Variants in ZNF592 observed in about 807,000 individuals in gnomAD.
ZNF592 encodes the protein spinocerebellar ataxia, autosomal recessive 5.
ZNF592 carries 11 observed loss-of-function variants against 80.3 expected under a neutral mutation model. The ratio of observed to expected loss-of-function variants is 0.14; its 90% CI spans 0.09 to 0.23. ZNF592 has a LOEUF of 0.23. Among genes scored for constraint, ZNF592 ranks in the 10% least tolerant of loss-of-function variants. The pLI, the probability that ZNF592 is intolerant of heterozygous loss-of-function variation, is 1.00. For synonymous variants in ZNF592, 646 were observed against 640.3 expected, an observed-to-expected ratio of 1.01 and a Z score of -0.13; for missense variants, 1,420 against 1,633.9, an observed-to-expected ratio of 0.87 and a Z score of 2.26.
rs1423470334 is a variant in ZNF592 at position 84,803,152 on chromosome 15, T to A, written c.*759T>A. 5.9e-5 allele frequency: 9 copies of A among 152,474 alleles called. No individual in the cohort carries two copies. Among genetic ancestry groups the A allele is most frequent in the Admixed American group, 4.6e-4 (7 of 15,262 alleles). 9.4% of individuals were successfully genotyped at this position (152,474 alleles called of 1,614,324 possible). On this transcript the variant is annotated 3_prime_UTR_variant, in exon 11 of 11. Coordinates refer to ENST00000560079, the MANE Select transcript of ZNF592 (RefSeq NM_014630.3). The stretch of plus-strand genomic sequence containing the variant: ...CTGCTGTTCTGCCTTTCCTGACAGG[T>A]GGGGTTGGGGCACACAGACATTGGA...
chr15:84,761,739 C>G (rs934540293), intron 1 of ZNF592, among the ~76,000 whole-genome samples: 1 of 152,182 alleles, frequency 6.6e-6, no homozygotes, highest in Non-Finnish European at 1.5e-5. Flanking sequence ...CTCTTCCTGT[C>G]TGAGTACAGC....
intron 2 of ZNF592, among the ~76,000 whole-genome samples, chr15:84,765,447 T>C (rs1042579333): frequency 1.3e-5 from 2 of 152,128 alleles, no homozygotes; most frequent in African/African-American, 2.4e-5. Flanking sequence ...CCAACTGCTT[T>C]CTATAGCAGC....
chr15:84,784,671 C>G lies in ZNF592; in HGVS notation c.1996C>G (p.Pro666Ala), dbSNP rs1962537209. 1.2e-6 allele frequency: 2 copies of G among 1,614,128 alleles called. No homozygotes were observed. Among genetic ancestry groups the G allele is most frequent in the Non-Finnish European group, 1.7e-6 (2 of 1,180,022 alleles). ...TGCGGACCAAATGTTCGTGTCGGCC[C>G]CTGTGAACTCCACGGCACCAGCAGC... ...ISADQMFVSA[P>A]VNSTAPAAPA... is the part of the protein sequence containing the mutation. The change falls in exon 4 of 11, where the codon CCT becomes GCT. Residue 666 changes from proline to alanine, a missense_variant. Around this residue, in one of 7 missense-constraint regions of ZNF592, gnomAD observed 524 missense variants for 628.3 expected, o/e 0.83. Transcript: ENST00000560079. The surrounding 1 kb of genome is among the most constrained non-coding windows in gnomAD (Gnocchi z 5.8).
In ZNF592 at chr15:84,777,694, C is replaced by CTTTT. The variant is rs397854471; in HGVS notation, c.-149-469_-149-466dup. 7.1e-4 allele frequency among the ~76,000 whole-genome samples: 70 copies of CTTTT among 98,406 alleles called. 1 individual carries two copies. Among genetic ancestry groups the CTTTT allele is most frequent in the African/African-American group, 1.1e-3 (28 of 26,434 alleles). The allele number at this position is 98,406 out of a possible 152,430, so 64.6% of individuals were successfully genotyped here. The stretch of plus-strand genomic sequence containing the variant: ...GAAAATAATTTCGTCTGTTGAGATA[C>CTTTT]TTTTTTTTTTTTTTTTTTTTTTTGA... On this transcript the variant is annotated intron_variant, in intron 2 of 10. Coordinates refer to ENST00000560079, the MANE Select transcript of ZNF592 (RefSeq NM_014630.3).
At chr15:84,773,336 C>T (rs1238638544) in intron 2 of ZNF592, among the ~76,000 whole-genome samples, 5 of 151,898 alleles carry the variant, frequency 3.3e-5, no homozygotes, top group African/African-American at 7.3e-5. Flanking sequence ...CTCAGCCTCC[C>T]GAGTAGCTGG....
rs529269745 is a variant in ZNF592 at position 84,804,549 on chromosome 15, C to T, written c.*2156C>T. 4.6e-5 allele frequency: 7 copies of T among 152,348 alleles called. 1 individual carries two copies. The East Asian group carries it at 1.3e-3, about 29-fold the overall frequency. The allele number at this position is 152,348 out of a possible 1,614,324, so 9.4% of individuals were successfully genotyped here. A position where few individuals can be genotyped will look rare whatever the true frequency, so the allele number is the denominator to read the frequency against. Reference sequence around the variant, plus strand: ...TCCTTAGCCAGCTCTTAACAAATCCCTTAACCTCACTGTCTCCTCTCCTTC... The same window carrying T: ...TCCTTAGCCAGCTCTTAACAAATCCTTTAACCTCACTGTCTCCTCTCCTTC... On this transcript the variant is annotated 3_prime_UTR_variant, in exon 11 of 11. Transcript: ENST00000560079.
At chr15:84,786,723 A>G (rs1962593892) in intron 4 of ZNF592, among the ~76,000 whole-genome samples, 1 of 151,840 alleles carries the variant, frequency 6.6e-6, no homozygotes, top group Non-Finnish European at 1.5e-5. Flanking sequence ...TTGCTGCCCC[A>G]GCATGGTTGA....
chr15:84,791,941 C>A (rs1187416287), intron 5 of ZNF592, among the ~76,000 whole-genome samples: 1 of 152,186 alleles, frequency 6.6e-6, no homozygotes, highest in South Asian at 2.1e-4. Context: ...CATGCAAGAC[C>A]TTGTATTTCT....
At position 84,799,826 on chromosome 15, in the gene ZNF592, C is replaced by T. The variant is rs369138117; in HGVS notation, c.3138-16C>T. 51 of 1,613,786 alleles carry T rather than the reference C, an allele frequency of 3.2e-5. No individual in the cohort carries two copies. In the Middle Eastern group the frequency reaches 5.0e-4, roughly 16 times the overall value. ...GGCCCGGGCACTTACCTGACCTCTC[C>T]GCTGTGCTTCTGCAGGTACTGCACA... On this transcript the variant is annotated splice_polypyrimidine_tract_variant and intron_variant, in intron 9 of 10. Transcript: ENST00000560079. This position sits in a 1 kb window ranked among gnomAD's most constrained non-coding sequence, Gnocchi z 4.2.
Position 84,798,315 on chromosome 15 carries a change from G to T in ZNF592, c.2577G>T (p.Gln859His), listed in dbSNP as rs1466594923. 3 of 1,614,168 alleles carry T rather than the reference G, an allele frequency of 1.9e-6. No individual in the cohort carries two copies. The highest frequency in any genetic ancestry group is 2.5e-6 in the Non-Finnish European group (3 of 1,180,040). ...QHPTQPHRPS[Q>H]LIYKCSCEMV... ...CACCCCCTAGGGCTTGTCTCATCAG[G>T]CTCATTTATAAGTGCTCCTGTGAAA... The change falls in exon 7 of 11, where the codon CAG becomes CAT. Residue 859 changes from glutamine (Q) to histidine (H), a missense_variant and splice_region_variant. Gln to His is a conservative substitution (Grantham distance 24, BLOSUM62 0). Transcript: ENST00000560079. The surrounding 1 kb of genome is among the most constrained non-coding windows in gnomAD (Gnocchi z 4.5).
chr15:84,800,900 C>T (rs1385706266), intron 10 of ZNF592, among the ~76,000 whole-genome samples: 2 of 152,216 alleles, frequency 1.3e-5, no homozygotes, highest in East Asian at 1.9e-4. Flanking sequence ...GACTTCTCAT[C>T]CCCACATTGG....
chr15:84,764,122 T>C (rs1429555973), intron 1 of ZNF592, among the ~76,000 whole-genome samples: 1 of 152,232 alleles, frequency 6.6e-6, no homozygotes, highest in African/African-American at 2.4e-5. Context: ...CTTGGCCCTC[T>C]GCTTCTTCAG....
chr15:84,788,130 AG>A (rs1254511116), intron 4 of ZNF592, among the ~76,000 whole-genome samples: 1 of 146,638 alleles, frequency 6.8e-6, no homozygotes, highest in African/African-American at 2.5e-5. Context: ...GTTTTGATGG[AG>A]GGTGGGGGTG....
At chr15:84,766,442 G>A (rs1899522793) in intron 2 of ZNF592, among the ~76,000 whole-genome samples, 1 of 152,142 alleles carries the variant, frequency 6.6e-6, no homozygotes, top group South Asian at 2.1e-4. Context: ...GATTGTTGGT[G>A]AAAGGCTGCT....
At chr15:84,782,120 T>C (rs1962437459) in intron 3 of ZNF592, among the ~76,000 whole-genome samples, 1 of 152,106 alleles carries the variant, frequency 6.6e-6, no homozygotes, top group African/African-American at 2.4e-5. Flanking sequence ...TTTTCTAGAG[T>C]TTATTCATGA....
intron 2 of ZNF592, among the ~76,000 whole-genome samples, chr15:84,766,706 A>AGTGT (rs10667788): frequency 0.081 from 11,358 of 140,080 alleles, 559 homozygotes; most frequent in East Asian, 0.19. Context: ...GATGAGAAAG[A>AGTGT]GTGTGTGTGT....
chr15:84,764,173 G>A (rs1308067809), intron 1 of ZNF592, among the ~76,000 whole-genome samples: 2 of 152,174 alleles, frequency 1.3e-5, no homozygotes, highest in Non-Finnish European at 2.9e-5. Context: ...GAGTTGTGTG[G>A]AGGGGTAAAC....
chr15:84,783,127 A>C lies in ZNF592; in HGVS notation c.452A>C (p.Asp151Ala). 6.2e-7 allele frequency: 1 copy of C among 1,614,138 alleles called. No individual in the cohort carries two copies. The highest frequency in any genetic ancestry group is 8.5e-7 in the Non-Finnish European group (1 of 1,180,032). ...CCAATCTCCAGCCCAGAACCTGAGGATCCCATCAAAGATAACGGATTTGGG... is the reference window on the plus strand; with the variant it reads ...CCAATCTCCAGCCCAGAACCTGAGGCTCCCATCAAAGATAACGGATTTGGG... ...FSPISSPEPE[D>A]PIKDNGFGIK... is the part of the protein sequence containing the mutation. The change falls in exon 4 of 11, where the codon GAT (aspartate) becomes GCT (alanine). Residue 151 changes from aspartate (D) to alanine (A), a missense_variant. Coordinates refer to ENST00000560079, the MANE Select transcript of ZNF592 (RefSeq NM_014630.3). The surrounding 1 kb of genome is among the most constrained non-coding windows in gnomAD (Gnocchi z 5.0).
At position 84,784,904 on chromosome 15, in the gene ZNF592, A is replaced by G. The variant is rs567342062; in HGVS notation, c.2220+9A>G. 15 of 1,613,838 alleles carry G rather than the reference A, an allele frequency of 9.3e-6. No individual in the cohort carries two copies. The highest frequency in any genetic ancestry group is 1.7e-5 in the Admixed American group (1 of 60,008). ...AGGAGACAGAGGGGCTGGTAAGCAGACCCTCACTGTTACGGGTATCGGGCC... is the reference window on the plus strand; with the variant it reads ...AGGAGACAGAGGGGCTGGTAAGCAGGCCCTCACTGTTACGGGTATCGGGCC... On this transcript the variant is annotated intron_variant, in intron 4 of 10. Coordinates refer to ENST00000560079, the MANE Select transcript of ZNF592 (RefSeq NM_014630.3). The surrounding 1 kb of genome is among the most constrained non-coding windows in gnomAD (Gnocchi z 5.8).
Sources: gnomAD v4.1 joint callset for allele counts (sites outside exome capture counted in the v4.1 genomes callset) on GRCh38, gnomAD v4.1.1 for gene constraint, gnomAD v4.1.1 regional missense constraint, Gnocchi (gnomAD v3.1) non-coding constraint, MANE v1.5 for transcripts, NCBI Gene and HGNC (gene_info 2026-07-23, HGNC 2026-07-21) for gene names.